The following OSBPL10 variants were observed in gnomAD, a reference collection of about 807,000 sequenced individuals.
OSBPL10 encodes oxysterol binding protein like 10, also known as oxysterol-binding protein-related protein 10.
In OSBPL10, 49 loss-of-function variants were observed where a neutral mutation model predicts 81.7. The ratio of observed to expected loss-of-function variants is 0.60; its 90% CI spans 0.48 to 0.76. The LOEUF (loss-of-function observed/expected upper bound fraction) is 0.76. Among genes scored for constraint, OSBPL10 ranks in the 30% least tolerant of loss-of-function variants. The probability of loss-of-function intolerance (pLI) is 0.00; values close to 1 mark genes in which losing one functional copy is unlikely to be tolerated. For missense variants in OSBPL10, 923 were observed against 987.8 expected, an observed-to-expected ratio of 0.93 and a Z score of 0.88; for synonymous variants, 419 against 383.6, an observed-to-expected ratio of 1.09 and a Z score of -1.08.
chr3:32,054,300 A>T (rs932941004), intron 1 of OSBPL10, among the ~76,000 whole-genome samples: 5 of 152,316 alleles, frequency 3.3e-5, no homozygotes, highest in Non-Finnish European at 5.9e-5. Context: ...CAAAAGAGAC[A>T]TATTTGGCTT....
chr3:31,824,058 A>T (rs141772256), intron 4 of OSBPL10, among the ~76,000 whole-genome samples: 170 of 152,180 alleles, frequency 1.1e-3, no homozygotes, highest in Non-Finnish European at 5.0e-4. Flanking sequence ...TCATTAAGAC[A>T]ATGATTGCCC....
chr3:31,989,364 T>A, intron 2 of OSBPL10: 1 of 1,614,194 alleles, frequency 6.2e-7, no homozygotes, highest in Non-Finnish European at 8.5e-7. Flanking sequence ...ATGAAAGTCA[T>A]CACATTGGAG....
chr3:31,893,070 C>G (rs938913063), intron 1 of OSBPL10, among the ~76,000 whole-genome samples: 1 of 152,064 alleles, frequency 6.6e-6, no homozygotes. Context: ...CGGAAACAGC[C>G]TGAAATGTTA....
In OSBPL10 at chr3:31,697,396, G is replaced by A. The variant is rs868321623; in HGVS notation, c.1245+4963C>T. Among the ~76,000 whole-genome samples, 88 of 152,166 alleles carry A rather than the reference G, an allele frequency of 5.8e-4. No homozygotes were observed. The Middle Eastern group carries it at 0.014, about 24-fold the overall frequency. ...TAACCATGAATAAAAAAAATTGGGGGGGGGTTAGTTACCAGCAATAGACAA... is the reference window on the plus strand; with the variant it reads ...TAACCATGAATAAAAAAAATTGGGGAGGGGTTAGTTACCAGCAATAGACAA... On this transcript the variant is annotated intron_variant, in intron 7 of 11. Coordinates refer to ENST00000396556, the MANE Select transcript of OSBPL10 (RefSeq NM_017784.5).
chr3:31,773,582 C>A (rs1434915812), intron 4 of OSBPL10, among the ~76,000 whole-genome samples: 1 of 152,152 alleles, frequency 6.6e-6, no homozygotes, highest in African/African-American at 2.4e-5. Context: ...ACAAAAGGTC[C>A]CATATTATGG....
chr3:31,753,185 ATTTTTT>A (rs34050690), intron 4 of OSBPL10, among the ~76,000 whole-genome samples: 2 of 141,000 alleles, frequency 1.4e-5, no homozygotes, highest in African/African-American at 2.6e-5. Context: ...TGCTTCAAGG[ATTTTTT>A]TTTTTTTTTT....
chr3:31,901,541 A>G (rs931394255), intron 1 of OSBPL10, among the ~76,000 whole-genome samples: 4 of 152,202 alleles, frequency 2.6e-5, no homozygotes, highest in Non-Finnish European at 4.4e-5. Flanking sequence ...GCCCTTGAGC[A>G]AAGTCTTCCC....
At chr3:31,873,782 G>T (rs1414318550) in intron 3 of OSBPL10, among the ~76,000 whole-genome samples, 1 of 152,146 alleles carries the variant, frequency 6.6e-6, no homozygotes, top group African/African-American at 2.4e-5. Flanking sequence ...TAGTTAACTA[G>T]ATATCAAGTT....
intron 4 of OSBPL10, among the ~76,000 whole-genome samples, chr3:31,799,860 C>G (rs1207331862): frequency 3.3e-5 from 5 of 152,176 alleles, no homozygotes; most frequent in Non-Finnish European, 7.3e-5. Context: ...AGGCGCCCAC[C>G]ACCATACCCG....
chr3:31,678,782 CTGTGTGTGTGTGTGTGTGTGTGTG>C (rs67616509), intron 8 of OSBPL10, among the ~76,000 whole-genome samples: 17 of 135,540 alleles, frequency 1.3e-4, no homozygotes, highest in East Asian at 2.3e-4. Flanking sequence ...CAGATTCAAA[CTGTGTGTGTGTGTGTGTGTGTGTG>C]TGTGTGTGTG....
intron 5 of OSBPL10, among the ~76,000 whole-genome samples, chr3:31,736,805 T>C (rs1390152565): frequency 3.9e-5 from 6 of 152,168 alleles, no homozygotes; most frequent in Non-Finnish European, 1.5e-5. Flanking sequence ...AAGGCTGAGA[T>C]GGGAAGATCA....
intron 3 of OSBPL10, among the ~76,000 whole-genome samples, chr3:31,871,428 A>C (rs572329766): frequency 2.0e-5 from 3 of 152,350 alleles, no homozygotes; most frequent in African/African-American, 7.2e-5. Context: ...AAAAAACTCC[A>C]GACAGGCCAC....
intron 5 of OSBPL10, among the ~76,000 whole-genome samples, chr3:31,742,431 A>AGT (rs1697380962): frequency 7.4e-6 from 1 of 135,276 alleles, no homozygotes; most frequent in Admixed American, 7.1e-5. Context: ...AGTTAAGGAA[A>AGT]GTATATTAAA....
intron 3 of OSBPL10, among the ~76,000 whole-genome samples, chr3:31,854,592 T>C (rs1700860533): frequency 6.6e-6 from 1 of 152,192 alleles, no homozygotes. Flanking sequence ...ACATACAATA[T>C]ATAATTTTTA....
At chr3:31,734,433 T>C (rs191282289) in intron 5 of OSBPL10, among the ~76,000 whole-genome samples, 24 of 152,262 alleles carry the variant, frequency 1.6e-4, no homozygotes, top group Non-Finnish European at 2.9e-4. Context: ...ATAGCAATTC[T>C]GCCATTCGAA....
At chr3:31,723,890 C>T (rs756800012) in intron 6 of OSBPL10, among the ~76,000 whole-genome samples, 2 of 152,042 alleles carry the variant, frequency 1.3e-5, no homozygotes, top group Non-Finnish European at 2.9e-5. Context: ...AGTCATTCAT[C>T]GTGGGAAAAT....
At chr3:31,679,881 T>G (rs1161888768) in intron 8 of OSBPL10, among the ~76,000 whole-genome samples, 2 of 152,122 alleles carry the variant, frequency 1.3e-5, no homozygotes, top group Non-Finnish European at 2.9e-5. Context: ...AGTATAAAAA[T>G]CAATGTGAAC....
At chr3:31,670,225 T>C (rs1190571195) in intron 9 of OSBPL10, among the ~76,000 whole-genome samples, 2 of 152,212 alleles carry the variant, frequency 1.3e-5, no homozygotes, top group Non-Finnish European at 2.9e-5. Flanking sequence ...AGATGGAAGT[T>C]TGTTTGTACA....
intron 4 of OSBPL10, among the ~76,000 whole-genome samples, chr3:31,755,165 G>T (rs566180090): frequency 6.6e-6 from 1 of 152,296 alleles, no homozygotes; most frequent in South Asian, 2.1e-4. Context: ...CTAGTCGAAA[G>T]AATGGAGTTT....
Sources: allele counts gnomAD v4.1 joint callset (sites outside exome capture counted in the v4.1 genomes callset), GRCh38; gene constraint gnomAD v4.1.1; transcripts MANE v1.5; gene names NCBI Gene and HGNC (gene_info 2026-07-23, HGNC 2026-07-21).